Variants in ZNF587B observed in about 807,000 individuals in gnomAD.
The protein encoded by ZNF587B is zinc finger protein 587B.
ZNF587B carries 6 observed loss-of-function variants against 7.2 expected under a neutral mutation model. The ratio of observed to expected loss-of-function variants is 0.83; its 90% CI spans 0.46 to 1.65. The LOEUF is 1.65. ZNF587B is among the 40% of genes most tolerant of loss of function. The pLI, the probability that ZNF587B is intolerant of heterozygous loss-of-function variation, is 0.01. For synonymous variants in ZNF587B, 274 were observed against 254.3 expected (o/e 1.08, Z -0.74); for missense variants, 749 against 761.0 (o/e 0.98, Z 0.19).
intron 1 of ZNF587B, among the ~76,000 whole-genome samples, chr19:57,833,029 C>T (rs1988480013): frequency 6.6e-6 from 1 of 152,306 alleles, no homozygotes; most frequent in African/African-American, 2.4e-5. Context: ...ACCCAAGGCT[C>T]CTGTGACCAC....
chr19:57,837,045 T>C (rs540841298), intron 1 of ZNF587B, among the ~76,000 whole-genome samples: 3 of 152,010 alleles, frequency 2.0e-5, no homozygotes, highest in South Asian at 2.1e-4. Context: ...GTTCCTGTTA[T>C]AGTTTGTAGT....
intron 1 of ZNF587B, among the ~76,000 whole-genome samples, chr19:57,838,294 T>TAA (rs76240138): frequency 1.6e-5 from 2 of 122,522 alleles, no homozygotes; most frequent in African/African-American, 6.6e-5. Flanking sequence ...CAAAAAAAAA[T>TAA]AAAAAAAAAA....
chr19:57,836,527 G>A lies in ZNF587B; in HGVS notation c.37-2496G>A, dbSNP rs112311670. On this transcript the variant is annotated intron_variant, in intron 1 of 2. Transcript: ENST00000594901. ...TTATATATTTAAAATTTTTTCTCTC[G>A]TGTATGTATGTAGAAACATGGTCTT... Among the ~76,000 whole-genome samples, 449 of 152,030 alleles carry A rather than the reference G, an allele frequency of 3.0e-3. 4 individuals carry two copies. Among genetic ancestry groups the A allele is most frequent in the African/African-American group, 9.9e-3 (409 of 41,464 alleles).
intron 1 of ZNF587B, among the ~76,000 whole-genome samples, chr19:57,830,830 C>T (rs1988355827): frequency 6.6e-6 from 1 of 151,966 alleles, no homozygotes; most frequent in African/African-American, 2.4e-5. Flanking sequence ...ATTTAGCCGG[C>T]GGCCAAGAGA....
chr19:57,839,966 C>T (rs571788721), intron 2 of ZNF587B, among the ~76,000 whole-genome samples: 3 of 151,464 alleles, frequency 2.0e-5, no homozygotes, highest in Non-Finnish European at 4.4e-5. Flanking sequence ...GTAGTCCCAG[C>T]GACTCAGGAG....
At chr19:57,832,211 C>T (rs1403012902) in intron 1 of ZNF587B, among the ~76,000 whole-genome samples, 1 of 152,010 alleles carries the variant, frequency 6.6e-6, no homozygotes, top group Non-Finnish European at 1.5e-5. Flanking sequence ...CTCAGCCTCC[C>T]GAGTAGCTGG....
At chr19:57,832,648 T>G (rs1177978632) in intron 1 of ZNF587B, among the ~76,000 whole-genome samples, 1 of 152,256 alleles carries the variant, frequency 6.6e-6, no homozygotes, top group Non-Finnish European at 1.5e-5. Flanking sequence ...TAGGTGTTTA[T>G]TGTGGTCTTC....
At position 57,830,351 on chromosome 19, in the gene ZNF587B, T is replaced by G. The variant is rs1014564830; in HGVS notation, c.-178T>G. 1 of 631,476 alleles carries G rather than the reference T, an allele frequency of 1.6e-6. No homozygotes were observed. The highest frequency in any genetic ancestry group is 2.7e-6 in the Non-Finnish European group (1 of 366,486). 39.1% of individuals were successfully genotyped at this position (631,476 alleles called of 1,614,324 possible). ...AGGCTCCTGAGCGCTAGGTCGGCAC[T>G]GCGGTGACTGAACCCAGAAGGCGGA... On this transcript the variant is annotated 5_prime_UTR_variant, in exon 1 of 3. Transcript: ENST00000594901.
In ZNF587B at chr19:57,830,443, C is replaced by T. The variant is rs1408161332; in HGVS notation, c.-86C>T. On this transcript the variant is annotated 5_prime_UTR_variant, in exon 1 of 3. Coordinates refer to ENST00000594901, the MANE Select transcript of ZNF587B (RefSeq NM_001376223.1). ...TGTGACGGCGCCAAGCGTGACCCAC[C>T]CCTGGGCCAGGATAGGGACCGTCAT... 3 of 1,460,452 alleles carry T rather than the reference C, an allele frequency of 2.1e-6. No homozygotes were observed. The highest frequency in any genetic ancestry group is 2.8e-6 in the Non-Finnish European group (3 of 1,073,268). The allele number at this position is 1,460,452 out of a possible 1,614,324, so 90.5% of individuals were successfully genotyped here.
chr19:57,830,359 C>T lies in ZNF587B; in HGVS notation c.-170C>T, dbSNP rs1988324215. 4 of 662,522 alleles carry T rather than the reference C, an allele frequency of 6.0e-6. No individual in the cohort carries two copies. The highest frequency in any genetic ancestry group is 5.6e-4 in the Middle Eastern group (2 of 3,552). 41.0% of individuals were successfully genotyped at this position (662,522 alleles called of 1,614,324 possible). A position where few individuals can be genotyped will look rare whatever the true frequency, so the allele number is the denominator to read the frequency against. ...GAGCGCTAGGTCGGCACTGCGGTGA[C>T]TGAACCCAGAAGGCGGAGAACAGTT... is the stretch of plus-strand genomic sequence containing the variant. On this transcript the variant is annotated 5_prime_UTR_variant, in exon 1 of 3. Transcript: ENST00000594901.
chr19:57,843,365 G>A lies in ZNF587B; in HGVS notation c.*789G>A. 2.0e-6 allele frequency: 2 copies of A among 985,312 alleles called. No individual in the cohort carries two copies. Among genetic ancestry groups the A allele is most frequent in the Non-Finnish European group, 2.4e-6 (2 of 829,900 alleles). The allele number at this position is 985,312 out of a possible 1,614,324, so 61.0% of individuals were successfully genotyped here. On this transcript the variant is annotated 3_prime_UTR_variant, in exon 3 of 3. Coordinates refer to ENST00000594901, the MANE Select transcript of ZNF587B (RefSeq NM_001376223.1). ...TGTGCCCAAATTGAAAAAACTCCAG[G>A]CATGTGGCATCTGTATTATATTTTT...
chr19:57,838,297 A>T (rs1988707720), intron 1 of ZNF587B, among the ~76,000 whole-genome samples: 2 of 151,658 alleles, frequency 1.3e-5, no homozygotes, highest in Middle Eastern at 3.4e-3. Flanking sequence ...AAAAAAATAA[A>T]AAAAAAAAGA....
Position 57,842,110 on chromosome 19 carries a change from C to T in ZNF587B, c.1436C>T (p.Ser479Phe), listed in dbSNP as rs768073218. 1.1e-5 allele frequency: 18 copies of T among 1,605,444 alleles called. No individual in the cohort carries two copies. The highest frequency in any genetic ancestry group is 1.5e-5 in the Non-Finnish European group (18 of 1,175,552). ...TGTGGAAAATTATTTAAGAAGAAGT[C>T]TCACCTCCTTGTACACCAGAGAATT... is the stretch of plus-strand genomic sequence containing the variant. ...WECGKLFKKK[S>F]HLLVHQRIHS... is the part of the protein sequence containing the mutation. Residue 479 changes from serine (S) to phenylalanine (F), a missense_variant, in exon 3 of 3, where the codon TCT (serine) becomes TTT (phenylalanine). Physicochemically the swap from Ser to Phe is radical, Grantham distance 155. This residue lies in a region of ZNF587B where 656 missense variants were observed against 596.5 expected (regional missense o/e 1.10). Coordinates refer to ENST00000594901, the MANE Select transcript of ZNF587B (RefSeq NM_001376223.1).
At position 57,830,496 on chromosome 19, in the gene ZNF587B, T is replaced by C. The variant is rs1988332000; in HGVS notation, c.-33T>C. 3.2e-6 allele frequency: 5 copies of C among 1,548,434 alleles called. No homozygotes were observed. The highest frequency in any genetic ancestry group is 4.4e-6 in the Non-Finnish European group (5 of 1,146,926). Reference sequence around the variant, plus strand: ...CCATATCTCCTGGCTGGTCACCCTCTCCTCCCAACCCTGCTTTAAACCACG... The same window carrying C: ...CCATATCTCCTGGCTGGTCACCCTCCCCTCCCAACCCTGCTTTAAACCACG... On this transcript the variant is annotated 5_prime_UTR_variant, in exon 1 of 3. Coordinates refer to ENST00000594901, the MANE Select transcript of ZNF587B (RefSeq NM_001376223.1).
chr19:57,832,772 T>C (rs1193385703), intron 1 of ZNF587B, among the ~76,000 whole-genome samples: 1 of 152,280 alleles, frequency 6.6e-6, no homozygotes, highest in South Asian at 2.1e-4. Flanking sequence ...CCACACTCAG[T>C]AATGCTGTGA....
At position 57,841,461 on chromosome 19, in the gene ZNF587B, G is replaced by T. The variant is rs751618932; in HGVS notation, c.787G>T (p.Val263Phe). The part of the protein sequence containing the change: ...KYVSFSNHQR[V>F]HSGKRPYECG... ...TGTTAGCTTCAGTAATCATCAGAGA[G>T]TTCACAGTGGAAAAAGACCTTATGA... Residue 263 changes from valine to phenylalanine, a missense_variant, in exon 3 of 3, where the codon GTT (valine) becomes TTT (phenylalanine). This residue lies in a region of ZNF587B where 656 missense variants were observed against 596.5 expected (regional missense o/e 1.10). Coordinates refer to ENST00000594901, the MANE Select transcript of ZNF587B (RefSeq NM_001376223.1). The T allele has an allele frequency of 6.3e-7, 1 of 1,584,854 alleles. No individual in the cohort carries two copies. The highest frequency in any genetic ancestry group is 8.6e-7 in the Non-Finnish European group (1 of 1,164,544).
Position 57,842,383 on chromosome 19 carries a change from G to A in ZNF587B, c.1709G>A (p.Arg570Lys), listed in dbSNP as rs541651121. Residue 570 changes from arginine (R) to lysine (K), a missense_variant, in exon 3 of 3, where the codon AGA becomes AAA. Coordinates refer to ENST00000594901, the MANE Select transcript of ZNF587B (RefSeq NM_001376223.1). ...AASSYLTSHR[R>K]VHTGQKPYEC... Reference sequence around the variant, plus strand: ...AGCTCCTATCTCACTAGTCACAGGAGAGTTCACACTGGTCAGAAGCCTTAT... The same window carrying A: ...AGCTCCTATCTCACTAGTCACAGGAAAGTTCACACTGGTCAGAAGCCTTAT... 3 of 1,603,872 alleles carry A rather than the reference G, an allele frequency of 1.9e-6. No individual in the cohort carries two copies. The East Asian group carries it at 6.7e-5, about 36-fold the overall frequency.
chr19:57,843,541 G>A lies in ZNF587B; in HGVS notation c.*965G>A. The stretch of plus-strand genomic sequence containing the variant: ...TTTTGGTTGTCTCCCATTCACGAGA[G>A]ATTTTTTTTTTAAGTTTTTTGTTTG... On this transcript the variant is annotated 3_prime_UTR_variant, in exon 3 of 3. Transcript: ENST00000594901. 3.1e-6 allele frequency: 3 copies of A among 970,702 alleles called. No individual in the cohort carries two copies. The highest frequency in any genetic ancestry group is 3.6e-6 in the Non-Finnish European group (3 of 825,184). The allele number at this position is 970,702 out of a possible 1,614,324, so 60.1% of individuals were successfully genotyped here. A position where few individuals can be genotyped will look rare whatever the true frequency, so the allele number is the denominator to read the frequency against.
intron 1 of ZNF587B, among the ~76,000 whole-genome samples, chr19:57,832,159 T>C (rs2122204212): frequency 6.6e-6 from 1 of 152,206 alleles, no homozygotes; most frequent in East Asian, 1.9e-4. Context: ...CGATCTCGGC[T>C]CACTGCAAGC....
Sources: gnomAD v4.1 joint callset for allele counts (sites outside exome capture counted in the v4.1 genomes callset) on GRCh38, gnomAD v4.1.1 for gene constraint, gnomAD v4.1.1 regional missense constraint, MANE v1.5 for transcripts, NCBI Gene and HGNC (gene_info 2026-07-23, HGNC 2026-07-21) for gene names.